Variants in INPP5A observed in about 807,000 individuals in gnomAD.
The protein encoded by INPP5A is inositol polyphosphate-5-phosphatase A, also known as 43 kDa inositol polyphosphate 5-phophatase.
In INPP5A, 14 loss-of-function variants were observed where a neutral mutation model predicts 65.2. The ratio of observed to expected loss-of-function variants is 0.21; its 90% CI spans 0.14 to 0.34. INPP5A has a LOEUF of 0.34. Among genes scored for constraint, INPP5A ranks in the 10% least tolerant of loss-of-function variants. INPP5A has a pLI of 1.00. For synonymous variants in INPP5A, 207 were observed against 208.3 expected, an observed-to-expected ratio of 0.99 and a Z score of 0.05; for missense variants, 431 against 545.6, an observed-to-expected ratio of 0.79 and a Z score of 2.09.
intron 1 of INPP5A, among the ~76,000 whole-genome samples, chr10:132,582,874 A>T (rs1342920755): frequency 6.6e-6 from 1 of 152,238 alleles, no homozygotes; most frequent in Non-Finnish European, 1.5e-5. Flanking sequence ...GTCAGTGCAC[A>T]TCCCTAACTT....
rs1230782917 is a variant in INPP5A, at chr10:132,645,891, C to T, written c.141C>T (p.His47=). The change falls in exon 3 of 16, where the codon CAC becomes CAT. Residue 47 remains histidine, a synonymous_variant. Transcript: ENST00000368594. ...AGGTCGTGCACACACACAAGCCGCA[C>T]TTCATGGCCTTGCACTGTCAGGAGT... is the stretch of plus-strand genomic sequence containing the variant. The part of the protein sequence containing the change: ...FYQVVHTHKP[H]FMALHCQEFG... 6.2e-7 allele frequency: 1 copy of T among 1,613,892 alleles called. No homozygotes were observed. Among genetic ancestry groups the T allele is most frequent in the African/African-American group, 1.3e-5 (1 of 74,924 alleles).
At chr10:132,685,197 T>C (rs2073099326) in intron 4 of INPP5A, among the ~76,000 whole-genome samples, 1 of 152,234 alleles carries the variant, frequency 6.6e-6, no homozygotes, top group African/African-American at 2.4e-5. Context: ...TCGGCCTTAG[T>C]CAGGGCTCCC....
intron 8 of INPP5A, among the ~76,000 whole-genome samples, chr10:132,721,367 TAGAC>T (rs1845875482): frequency 6.9e-6 from 1 of 144,170 alleles, no homozygotes; most frequent in Non-Finnish European, 1.5e-5. Context: ...GGGGGCGCCT[TAGAC>T]AGCTGTCTTC....
intron 11 of INPP5A, among the ~76,000 whole-genome samples, chr10:132,763,868 C>T (rs535252204): frequency 9.7e-4 from 148 of 152,400 alleles, no homozygotes; most frequent in African/African-American, 3.4e-3. Context: ...CATAAACGTG[C>T]CTGCATGCAA....
At chr10:132,609,359 C>A (rs2071909549) in intron 2 of INPP5A, among the ~76,000 whole-genome samples, 1 of 152,186 alleles carries the variant, frequency 6.6e-6, no homozygotes, top group Non-Finnish European at 1.5e-5. Context: ...CATCTCTGTC[C>A]TTTATGTCAA....
At chr10:132,647,463 C>A (rs1185156109) in intron 3 of INPP5A, among the ~76,000 whole-genome samples, 1 of 152,166 alleles carries the variant, frequency 6.6e-6, no homozygotes, top group African/African-American at 2.4e-5. Context: ...TTTTTCCTAA[C>A]ACTCAACAAA....
chr10:132,631,474 CAAG>C (rs1018336406), intron 2 of INPP5A, among the ~76,000 whole-genome samples: 12 of 152,256 alleles, frequency 7.9e-5, no homozygotes, highest in Admixed American at 6.5e-4. Context: ...CTTTTTCTAT[CAAG>C]AAATTCCCGT....
At chr10:132,728,351 G>A (rs1846021807) in intron 9 of INPP5A, among the ~76,000 whole-genome samples, 1 of 152,238 alleles carries the variant, frequency 6.6e-6, no homozygotes, top group South Asian at 2.1e-4. Flanking sequence ...TCTCTGGCCT[G>A]CCATCCCACA....
In INPP5A at chr10:132,676,794, C is replaced by T. The variant is rs1263351852; in HGVS notation, c.307-13598C>T. ...TTGCCCCACTGACTGCTGGCTCTCA[C>T]CTGCTCCTGTCTCTCCACAGTAGTA... On this transcript the variant is annotated intron_variant, in intron 4 of 15. Coordinates refer to ENST00000368594, the MANE Select transcript of INPP5A (RefSeq NM_005539.5). The surrounding 1 kb of genome is among the most constrained non-coding windows in gnomAD (Gnocchi z 4.0). Among the ~76,000 whole-genome samples, 1 of 152,204 alleles carries T rather than the reference C, an allele frequency of 6.6e-6. No homozygotes were observed. The highest frequency in any genetic ancestry group is 1.5e-5 in the Non-Finnish European group (1 of 68,024).
chr10:132,566,330 A>G (rs1250936988), intron 1 of INPP5A, among the ~76,000 whole-genome samples: 1 of 152,178 alleles, frequency 6.6e-6, no homozygotes, highest in Non-Finnish European at 1.5e-5. Flanking sequence ...ATTCTACCAA[A>G]CTGTTGAGGA....
intron 9 of INPP5A, among the ~76,000 whole-genome samples, chr10:132,738,595 T>G (rs1846219173): frequency 6.6e-6 from 1 of 152,262 alleles, no homozygotes; most frequent in African/African-American, 2.4e-5. Context: ...ACCCGCCGCC[T>G]TCTTCCCAGA....
intron 9 of INPP5A, among the ~76,000 whole-genome samples, chr10:132,730,483 G>A (rs569449231): frequency 7.9e-5 from 12 of 152,364 alleles, no homozygotes; most frequent in South Asian, 4.1e-4. Context: ...CTCCTCGGCC[G>A]CTCTGCAGCC....
rs537524917 is a variant in INPP5A at position 132,780,701 on chromosome 10, G to A, written c.1090-148G>A. 48 of 720,734 alleles carry A rather than the reference G, an allele frequency of 6.7e-5. No homozygotes were observed. In the South Asian group the frequency reaches 6.9e-4, roughly 10 times the overall value. The allele number at this position is 720,734 out of a possible 1,614,324, so 44.6% of individuals were successfully genotyped here. Reference sequence around the variant, plus strand: ...CTCTCTCTCAGGGGCCAGGCAGGGCGGGTGGCAGAGGCTGGGGAGGTACTG... The same window carrying A: ...CTCTCTCTCAGGGGCCAGGCAGGGCAGGTGGCAGAGGCTGGGGAGGTACTG... On this transcript the variant is annotated intron_variant, in intron 13 of 15. Coordinates refer to ENST00000368594, the MANE Select transcript of INPP5A (RefSeq NM_005539.5).
intron 4 of INPP5A, among the ~76,000 whole-genome samples, chr10:132,679,659 C>G (rs1336906795): frequency 6.6e-6 from 1 of 152,142 alleles, no homozygotes; most frequent in Non-Finnish European, 1.5e-5. Flanking sequence ...ATAAATAATT[C>G]TGGATTATAT....
At chr10:132,624,922 C>T (rs1008686340) in intron 2 of INPP5A, among the ~76,000 whole-genome samples, 9 of 152,082 alleles carry the variant, frequency 5.9e-5, no homozygotes, top group Admixed American at 3.9e-4. Flanking sequence ...CATGTGGCAT[C>T]GCACCTGTCA....
chr10:132,703,658 C>CCA (rs377671777), intron 6 of INPP5A, among the ~76,000 whole-genome samples: 3 of 120,374 alleles, frequency 2.5e-5, no homozygotes, highest in Admixed American at 8.6e-5. Context: ...CCGCACACCC[C>CCA]CACACACACA....
intron 12 of INPP5A, among the ~76,000 whole-genome samples, chr10:132,777,289 A>G (rs1847081054): frequency 6.6e-6 from 1 of 152,228 alleles, no homozygotes; most frequent in Non-Finnish European, 1.5e-5. Context: ...GATCCGGGCC[A>G]GGTCACCAGG....
In INPP5A at chr10:132,698,503, T is replaced by C. The variant is rs1387206712; in HGVS notation, c.474+584T>C. On this transcript the variant is annotated intron_variant, in intron 6 of 15. Transcript: ENST00000368594. This position sits in a 1 kb window ranked among gnomAD's most constrained non-coding sequence, Gnocchi z 5.5. Reference sequence around the variant, plus strand: ...AATTGGTGTTTCCTTCTGGCGGCCATGCACTTTGCTGAGCTGTGTGCGCGG... The same window carrying C: ...AATTGGTGTTTCCTTCTGGCGGCCACGCACTTTGCTGAGCTGTGTGCGCGG... 2.0e-5 allele frequency among the ~76,000 whole-genome samples: 3 copies of C among 152,272 alleles called. No individual in the cohort carries two copies. The highest frequency in any genetic ancestry group is 1.3e-4 in the Admixed American group (2 of 15,290).
chr10:132,621,784 C>CTTTT (rs566285891), intron 2 of INPP5A, among the ~76,000 whole-genome samples: 1 of 136,188 alleles, frequency 7.3e-6, no homozygotes, highest in Non-Finnish European at 1.6e-5. Context: ...GGGGGTATGT[C>CTTTT]TTTTTTTTTT....
Sources: allele counts gnomAD v4.1 joint callset (sites outside exome capture counted in the v4.1 genomes callset), GRCh38; gene constraint gnomAD v4.1.1; non-coding constraint Gnocchi (gnomAD v3.1); transcripts MANE v1.5; gene names NCBI Gene and HGNC (gene_info 2026-07-23, HGNC 2026-07-21).